The following PTPRN2 variants were observed in gnomAD, a reference collection of about 807,000 sequenced individuals.
The protein encoded by PTPRN2 is receptor-type tyrosine-protein phosphatase N2.
PTPRN2 carries 74 observed loss-of-function variants against 118.8 expected under a neutral mutation model. The observed-to-expected ratio is 0.62, with a 90% CI of 0.52 to 0.76. The LOEUF is 0.76. Ranked by LOEUF, PTPRN2 falls within the 30% of genes least tolerant of loss-of-function variation. PTPRN2 has a pLI of 0.00. For missense variants in PTPRN2, 1,481 were observed against 1,394.4 expected, an observed-to-expected ratio of 1.06 and a Z score of -0.99; for synonymous variants, 641 against 608.0, an observed-to-expected ratio of 1.05 and a Z score of -0.80.
chr7:158,421,744 G>C (rs1388811411), intron 2 of PTPRN2, among the ~76,000 whole-genome samples: 1 of 152,228 alleles, frequency 6.6e-6, no homozygotes, highest in African/African-American at 2.4e-5. Flanking sequence ...GTTCTGGGCT[G>C]CTTTGGGAGC....
intron 13 of PTPRN2, among the ~76,000 whole-genome samples, chr7:157,678,166 C>T (rs141823617): frequency 6.6e-6 from 1 of 152,088 alleles, no homozygotes; most frequent in Non-Finnish European, 1.5e-5. Flanking sequence ...TCACAGGGTG[C>T]CCTTCATTTT....
chr7:158,293,147 G>C (rs1322480777), intron 3 of PTPRN2, among the ~76,000 whole-genome samples: 1 of 152,166 alleles, frequency 6.6e-6, no homozygotes, highest in Non-Finnish European at 1.5e-5. Flanking sequence ...TGCTCTGAGT[G>C]CATCAGTGAG....
At chr7:157,588,371 G>A (rs1213318503) in intron 17 of PTPRN2, among the ~76,000 whole-genome samples, 1 of 152,230 alleles carries the variant, frequency 6.6e-6, no homozygotes, top group Non-Finnish European at 1.5e-5. Context: ...GTCCGTGATG[G>A]AATATCGATG....
At chr7:158,440,978 AGTG>A (rs1221984375) in intron 2 of PTPRN2, among the ~76,000 whole-genome samples, 2 of 107,542 alleles carry the variant, frequency 1.9e-5, no homozygotes, top group Non-Finnish European at 3.9e-5. Context: ...TGTTGGTGGT[AGTG>A]GTGGTGGTGA....
chr7:158,548,713 G>A (rs1016480095), intron 1 of PTPRN2, among the ~76,000 whole-genome samples: 4 of 152,176 alleles, frequency 2.6e-5, no homozygotes, highest in African/African-American at 9.7e-5. Context: ...CGGGTTCTCC[G>A]TGTGACTTCA....
intron 13 of PTPRN2, among the ~76,000 whole-genome samples, chr7:157,673,418 A>C (rs897174250): frequency 6.6e-6 from 1 of 152,216 alleles, no homozygotes; most frequent in Non-Finnish European, 1.5e-5. Flanking sequence ...AGCTGGCTGG[A>C]TGAAGAAGGG....
At chr7:158,212,231 G>A (rs1314205217) in intron 3 of PTPRN2, among the ~76,000 whole-genome samples, 1 of 152,058 alleles carries the variant, frequency 6.6e-6, no homozygotes, top group African/African-American at 2.4e-5. Flanking sequence ...TACTGGGAAG[G>A]AAATTGGCAG....
At chr7:158,312,127 C>T (rs202018250) in intron 3 of PTPRN2, among the ~76,000 whole-genome samples, 9 of 150,438 alleles carry the variant, frequency 6.0e-5, no homozygotes, top group African/African-American at 2.0e-4. Context: ...GGCAAACACA[C>T]GTGCTCACGT....
intron 1 of PTPRN2, among the ~76,000 whole-genome samples, chr7:158,530,741 G>A (rs940879949): frequency 3.3e-5 from 5 of 152,196 alleles, no homozygotes; most frequent in African/African-American, 1.2e-4. Context: ...CAAAGAGCTG[G>A]TGGCAAAGGA....
rs186595171 is a variant in PTPRN2, at chr7:158,417,851, G to A, written c.163+71884C>T. 2.5e-4 allele frequency among the ~76,000 whole-genome samples: 37 copies of A among 147,616 alleles called. 2 individuals carry two copies. Among genetic ancestry groups the A allele is most frequent in the African/African-American group, 7.7e-4 (30 of 38,840 alleles). ...GTGTTAAGTCACAGTGTACTACATCGAGATGCTCTAGCTCTCCGTGTCCCC... is the reference window on the plus strand; with the variant it reads ...GTGTTAAGTCACAGTGTACTACATCAAGATGCTCTAGCTCTCCGTGTCCCC... On this transcript the variant is annotated intron_variant, in intron 2 of 22. Transcript: ENST00000389418.
intron 2 of PTPRN2, among the ~76,000 whole-genome samples, chr7:158,342,477 CACCT>C: frequency 3.5e-5 from 2 of 57,552 alleles, no homozygotes; most frequent in Admixed American, 1.5e-4. Flanking sequence ...TAAGAGCTGA[CACCT>C]GCAGACGTCA....
At position 158,525,561 on chromosome 7, in the gene PTPRN2, A is replaced by G. The variant is rs1407017465; in HGVS notation, c.113-35776T>C. 3.9e-5 allele frequency among the ~76,000 whole-genome samples: 6 copies of G among 152,218 alleles called. No individual in the cohort carries two copies. The highest frequency in any genetic ancestry group is 1.4e-4 in the African/African-American group (6 of 41,460). Reference sequence around the variant, plus strand: ...CTGGCCCAGAACAGGCGCTCACTGTATCTCCTCCCTTCCTCCTGAGAGGTC... The same window carrying G: ...CTGGCCCAGAACAGGCGCTCACTGTGTCTCCTCCCTTCCTCCTGAGAGGTC... On this transcript the variant is annotated intron_variant, in intron 1 of 22. Transcript: ENST00000389418. This position sits in a 1 kb window ranked among gnomAD's most constrained non-coding sequence, Gnocchi z 4.1.
intron 10 of PTPRN2, among the ~76,000 whole-genome samples, chr7:158,087,644 C>T (rs1235796830): frequency 2.6e-5 from 4 of 152,066 alleles, no homozygotes; most frequent in African/African-American, 9.7e-5. Context: ...GGAGTCTTCA[C>T]ACAAACCTTC....
intron 2 of PTPRN2, among the ~76,000 whole-genome samples, chr7:158,338,600 C>T (rs1205017752): frequency 1.9e-5 from 1 of 53,600 alleles, no homozygotes; most frequent in African/African-American, 1.0e-4. Context: ...ACCATAAGAG[C>T]TGAGGCCCAC....
chr7:158,353,254 C>T (rs62493656), intron 2 of PTPRN2, among the ~76,000 whole-genome samples: 3,165 of 152,274 alleles, frequency 0.021, 44 homozygotes, highest in South Asian at 0.035. Flanking sequence ...CCACTGTTTT[C>T]CTTAATAGAA....
At chr7:157,755,347 T>C (rs1801719005) in intron 12 of PTPRN2, among the ~76,000 whole-genome samples, 2 of 152,226 alleles carry the variant, frequency 1.3e-5, no homozygotes, top group Admixed American at 1.3e-4. Flanking sequence ...CTTCTGATGA[T>C]GTTTGTTATT....
At chr7:158,278,551 A>G (rs1262057157) in intron 3 of PTPRN2, among the ~76,000 whole-genome samples, 1 of 152,220 alleles carries the variant, frequency 6.6e-6, no homozygotes, top group Non-Finnish European at 1.5e-5. Flanking sequence ...AACAATCAAT[A>G]CAAACCAATA....
intron 3 of PTPRN2, among the ~76,000 whole-genome samples, chr7:158,293,689 C>A (rs1236893358): frequency 6.6e-6 from 1 of 152,020 alleles, no homozygotes; most frequent in Admixed American, 6.6e-5. Context: ...AAAATAGTCT[C>A]TTTATATCCT....
chr7:157,897,802 C>CG (rs530437190), intron 12 of PTPRN2, among the ~76,000 whole-genome samples: 2 of 152,384 alleles, frequency 1.3e-5, no homozygotes, highest in East Asian at 3.9e-4. Flanking sequence ...CCGCAGAGGG[C>CG]GGCTCTGCTG....
Sources: gnomAD v4.1 joint callset for allele counts (sites outside exome capture counted in the v4.1 genomes callset) on GRCh38, gnomAD v4.1.1 for gene constraint, Gnocchi (gnomAD v3.1) non-coding constraint, MANE v1.5 for transcripts, NCBI Gene and HGNC (gene_info 2026-07-23, HGNC 2026-07-21) for gene names.